Variants in RANBP17 observed in about 807,000 individuals in gnomAD.
The protein encoded by RANBP17 is ran-binding protein 17.
A neutral mutation model predicts 141.2 loss-of-function variants in RANBP17; 158 were observed. The observed-to-expected ratio is 1.12, with a 90% confidence interval of 0.98 to 1.28. The LOEUF (loss-of-function observed/expected upper bound fraction) is 1.28, where lower values mean the gene tolerates loss of function less well. RANBP17 is among the 50% of genes most tolerant of loss of function. The pLI, the probability that RANBP17 is intolerant of heterozygous loss-of-function variation, is 0.00. For missense variants in RANBP17, 1,438 were observed against 1,290.7 expected (o/e 1.11, Z -1.75); for synonymous variants, 430 against 450.0 (o/e 0.96, Z 0.56).
chr5:170,887,304 C>G (rs890510878), intron 3 of RANBP17, among the ~76,000 whole-genome samples: 1 of 152,008 alleles, frequency 6.6e-6, no homozygotes, highest in Non-Finnish European at 1.5e-5. Flanking sequence ...CAAAGTTTAC[C>G]TTATTCATTC....
rs70982310 is a variant in RANBP17 at position 170,869,323 on chromosome 5, CTTTT to C, written c.18+7287_18+7290del. Among the ~76,000 whole-genome samples the C allele has an allele frequency of 4.6e-4, 58 of 125,476 alleles. No homozygotes were observed. The South Asian group carries it at 0.014, about 30-fold the overall frequency. 82.3% of individuals were successfully genotyped at this position (125,476 alleles called of 152,430 possible). A position where few individuals can be genotyped will look rare whatever the true frequency, so the allele number is the denominator to read the frequency against. On this transcript the variant is annotated intron_variant, in intron 1 of 27. Coordinates refer to ENST00000523189, the MANE Select transcript of RANBP17 (RefSeq NM_022897.5). ...TATTACTTTTCTAGGGCTCACAACACTTTTTTTTTTTTTTTTTTGAGTTGGGAGT... is the reference window on the plus strand; with the variant it reads ...TATTACTTTTCTAGGGCTCACAACACTTTTTTTTTTTTTTGAGTTGGGAGT...
chr5:171,242,575 TTAAA>T, intron 23 of RANBP17, 103 bp from the exon 24 acceptor site: 1 of 1,186,636 alleles, frequency 8.4e-7, no homozygotes, highest in African/African-American at 1.5e-5. Flanking sequence ...GACCTTGTGT[TTAAA>T]TAAGTTTACA....
At chr5:170,993,599 T>C (rs547802434) in intron 14 of RANBP17, among the ~76,000 whole-genome samples, 2 of 152,086 alleles carry the variant, frequency 1.3e-5, no homozygotes, top group Non-Finnish European at 2.9e-5. Flanking sequence ...GGTACCTATG[T>C]TTTAGGAAAG....
chr5:170,998,502 C>T (rs1448582413), intron 14 of RANBP17, among the ~76,000 whole-genome samples: 1 of 152,148 alleles, frequency 6.6e-6, no homozygotes, highest in Non-Finnish European at 1.5e-5. Context: ...CAATATTCCA[C>T]TTAGAAATAA....
At chr5:171,053,920 TA>T (rs1561596697) in intron 14 of RANBP17, among the ~76,000 whole-genome samples, 2,006 of 62,450 alleles carry the variant, frequency 0.032, 292 homozygotes, top group South Asian at 0.083. Flanking sequence ...TATATATATA[TA>T]TATAATTGCT....
chr5:171,275,220 G>A (rs1442128342), intron 25 of RANBP17, among the ~76,000 whole-genome samples: 1 of 152,148 alleles, frequency 6.6e-6, no homozygotes, highest in Non-Finnish European at 1.5e-5. Flanking sequence ...CCTCAGCAGT[G>A]ATTGATGGTT....
At chr5:171,106,857 A>G (rs1258955792) in intron 14 of RANBP17, among the ~76,000 whole-genome samples, 1 of 152,064 alleles carries the variant, frequency 6.6e-6, no homozygotes, top group African/African-American at 2.4e-5. Context: ...ACACTTGGTA[A>G]TATATTTCCA....
intron 14 of RANBP17, among the ~76,000 whole-genome samples, chr5:171,169,806 C>T (rs1479157156): frequency 6.6e-6 from 1 of 151,556 alleles, no homozygotes; most frequent in Non-Finnish European, 1.5e-5. Flanking sequence ...CCTTTGCATA[C>T]CTACTCCCGT....
rs76744245 is a variant in RANBP17 at position 170,988,273 on chromosome 5, T to C, written c.1710+19896T>C. On this transcript the variant is annotated intron_variant, in intron 14 of 27. Coordinates refer to ENST00000523189, the MANE Select transcript of RANBP17 (RefSeq NM_022897.5). ...TTTTTGGATTGTTCTCGAGTAATTA[T>C]AGTTTGATGATTGATTTTTTTTTTT... Among the ~76,000 whole-genome samples, 197 of 151,352 alleles carry C rather than the reference T, an allele frequency of 1.3e-3. 1 individual carries two copies. The highest frequency in any genetic ancestry group is 4.7e-3 in the African/African-American group (192 of 41,178).
chr5:171,092,261 T>C (rs546465586), intron 14 of RANBP17, among the ~76,000 whole-genome samples: 1 of 152,320 alleles, frequency 6.6e-6, no homozygotes, highest in African/African-American at 2.4e-5. Flanking sequence ...ATTTGGCATT[T>C]AGTGAACCCC....
chr5:171,022,198 G>C (rs533878261), intron 14 of RANBP17, among the ~76,000 whole-genome samples: 7 of 152,114 alleles, frequency 4.6e-5, no homozygotes, highest in Non-Finnish European at 7.4e-5. Flanking sequence ...ACTTTGAGGG[G>C]CGCCAACCTG....
intron 14 of RANBP17, among the ~76,000 whole-genome samples, chr5:171,023,981 G>A (rs993138776): frequency 6.6e-6 from 1 of 152,150 alleles, no homozygotes; most frequent in Admixed American, 6.5e-5. Flanking sequence ...CCCTGTTACT[G>A]TATCATAGCT....
intron 19 of RANBP17, among the ~76,000 whole-genome samples, chr5:171,202,438 AAC>A (rs1330267703): frequency 6.6e-6 from 1 of 152,214 alleles, no homozygotes; most frequent in Non-Finnish European, 1.5e-5. Flanking sequence ...GTTAAATAGG[AAC>A]CTGCTATCTT....
At chr5:171,230,875 G>A (rs1764164692) in intron 22 of RANBP17, among the ~76,000 whole-genome samples, 1 of 152,012 alleles carries the variant, frequency 6.6e-6, no homozygotes, top group African/African-American at 2.4e-5. Flanking sequence ...TAGCGTTGTG[G>A]TAGGTGAATT....
chr5:171,095,462 C>T (rs1420477661), intron 14 of RANBP17, among the ~76,000 whole-genome samples: 1 of 152,062 alleles, frequency 6.6e-6, no homozygotes, highest in Admixed American at 6.6e-5. Flanking sequence ...TTATGTAGGA[C>T]ATTACTGGCT....
At chr5:170,908,066 C>T (rs145147534) in intron 5 of RANBP17, among the ~76,000 whole-genome samples, 8 of 152,056 alleles carry the variant, frequency 5.3e-5, no homozygotes, top group Admixed American at 2.0e-4. Context: ...CTCTTATATA[C>T]GTTGGTGGGA....
chr5:170,912,611 A>G (rs1771617390), intron 7 of RANBP17, among the ~76,000 whole-genome samples: 1 of 152,084 alleles, frequency 6.6e-6, no homozygotes, highest in East Asian at 1.9e-4. Flanking sequence ...ACAGTTGTCA[A>G]AATAAAACAT....
chr5:171,224,283 G>T (rs778120616), intron 22 of RANBP17, among the ~76,000 whole-genome samples: 1 of 152,216 alleles, frequency 6.6e-6, no homozygotes, highest in Non-Finnish European at 1.5e-5. Flanking sequence ...TTAGTAATCA[G>T]TAGAACTTTA....
chr5:171,160,930 T>A (rs1189020514), intron 14 of RANBP17, among the ~76,000 whole-genome samples: 1 of 152,056 alleles, frequency 6.6e-6, no homozygotes, highest in Non-Finnish European at 1.5e-5. Context: ...GTTGCTGAGA[T>A]TACAGGCGCG....
Sources: gnomAD v4.1 joint callset for allele counts (sites outside exome capture counted in the v4.1 genomes callset) on GRCh38, gnomAD v4.1.1 for gene constraint, MANE v1.5 for transcripts, NCBI Gene and HGNC (gene_info 2026-07-23, HGNC 2026-07-21) for gene names.